PPP2R2C: variants seen among roughly 807,000 people sequenced by gnomAD.
PPP2R2C encodes the protein protein phosphatase 2, regulatory subunit B, gamma.
PPP2R2C carries 10 observed loss-of-function variants against 45.3 expected under a neutral mutation model. That is an observed-to-expected ratio of 0.22 (90% CI 0.14 to 0.37). The LOEUF is 0.37. Ranked by LOEUF, PPP2R2C falls within the 10% of genes least tolerant of loss-of-function variation. PPP2R2C has a pLI of 1.00. For missense variants in PPP2R2C, 308 were observed against 619.7 expected (o/e 0.50, Z 5.34); for synonymous variants, 257 against 245.4 (o/e 1.05, Z -0.44).
At chr4:6,553,329 G>A (rs1725247049) in intron 1 of PPP2R2C, among the ~76,000 whole-genome samples, 1 of 152,230 alleles carries the variant, frequency 6.6e-6, no homozygotes, top group Non-Finnish European at 1.5e-5. Flanking sequence ...GCACCACACT[G>A]GACAGAGAGG....
At chr4:6,381,449 A>C in intron 1 of PPP2R2C, 2 of 1,374,022 alleles carry the variant, frequency 1.5e-6, no homozygotes, top group Non-Finnish European at 1.9e-6. Context: ...TGAATCTCCC[A>C]CACCTACCCC....
intron 1 of PPP2R2C, among the ~76,000 whole-genome samples, chr4:6,416,831 C>A (rs11945944): frequency 6.6e-6 from 1 of 152,050 alleles, no homozygotes; most frequent in African/African-American, 2.4e-5. Context: ...TGCTGGGCTC[C>A]CTGTGTGTGC....
intron 1 of PPP2R2C, among the ~76,000 whole-genome samples, chr4:6,559,595 C>T (rs967317273): frequency 4.6e-5 from 7 of 152,104 alleles, no homozygotes; most frequent in Non-Finnish European, 1.0e-4. Context: ...GCTTGTGTCC[C>T]CCTGAATTCC....
rs1270601018 is a variant in PPP2R2C at position 6,323,490 on chromosome 4, C to G, written c.1156G>C (p.Ala386Pro). 6.2e-7 allele frequency: 1 copy of G among 1,609,584 alleles called. No homozygotes were observed. The highest frequency in any genetic ancestry group is 8.5e-7 in the Non-Finnish European group (1 of 1,176,236). Residue 386 changes from alanine (A) to proline (P), a missense_variant, in exon 9 of 9, where the codon GCT becomes CCT. Ala to Pro is a conservative substitution (Grantham distance 27). Transcript: ENST00000382599. ...CACACGCGCCGTGGCTTGAGCACAG[C>G]CCGGGGCTTGCTGCTTTCCCTCGAG... Reference protein sequence around the residue: ...EASRESSKPRAVLKPRRVCVG... With the variant: ...EASRESSKPRPVLKPRRVCVG...
At position 6,543,610 on chromosome 4, in the gene PPP2R2C, C is replaced by T. The variant is rs111375875; in HGVS notation, c.-58-8233G>A. Among the ~76,000 whole-genome samples, 1,150 of 152,256 alleles carry T rather than the reference C, an allele frequency of 7.6e-3. 21 individuals are homozygous for T. Among genetic ancestry groups the T allele is most frequent in the African/African-American group, 0.027 (1,102 of 41,536 alleles). On this transcript the variant is annotated intron_variant, in intron 1 of 9. Transcript: ENST00000506140. ...CCCCTGATGTCAGCTGCTAGCAGGA[C>T]AGCTGGCCAAGGGACCCCTGAGAAC...
intron 1 of PPP2R2C, chr4:6,383,604 G>A (rs990532743): frequency 2.1e-5 from 11 of 523,482 alleles, no homozygotes; most frequent in African/African-American, 1.0e-4. Flanking sequence ...CGTGAGCACA[G>A]CTTGGATCAC....
At chr4:6,370,488 G>A (rs1456642098) in intron 5 of PPP2R2C, among the ~76,000 whole-genome samples, 1 of 152,192 alleles carries the variant, frequency 6.6e-6, no homozygotes, top group East Asian at 1.9e-4. Context: ...ACCAGGGAGA[G>A]GTACAGGAGT....
intron 5 of PPP2R2C, among the ~76,000 whole-genome samples, chr4:6,359,200 A>G (rs4688995): frequency 0.92 from 140,441 of 152,246 alleles, 65,385 homozygotes; most frequent in East Asian, 1. Flanking sequence ...TTGTAGGGAC[A>G]TGGATGAAGC....
chr4:6,401,466 A>G (rs1327616769), intron 1 of PPP2R2C, among the ~76,000 whole-genome samples: 1 of 152,104 alleles, frequency 6.6e-6, no homozygotes, highest in African/African-American at 2.4e-5. Flanking sequence ...AAAGTCACTC[A>G]TCCCAGAGAG....
intron 5 of PPP2R2C, among the ~76,000 whole-genome samples, chr4:6,352,879 C>A (rs1712697513): frequency 6.6e-6 from 1 of 152,144 alleles, no homozygotes; most frequent in Non-Finnish European, 1.5e-5. Context: ...GAGATGAGAT[C>A]ACCCTGGATT....
chr4:6,388,680 C>G (rs1716395373), intron 1 of PPP2R2C, among the ~76,000 whole-genome samples: 1 of 152,102 alleles, frequency 6.6e-6, no homozygotes, highest in Admixed American at 6.5e-5. Context: ...GCCGGGCCTC[C>G]CAATGCCTGG....
In PPP2R2C at chr4:6,332,498, T is replaced by C. The variant is rs1321258382; in HGVS notation, c.960+1064A>G. Among the ~76,000 whole-genome samples the C allele has an allele frequency of 6.6e-6, 1 of 152,026 alleles. No homozygotes were observed. The highest frequency in any genetic ancestry group is 1.5e-5 in the Non-Finnish European group (1 of 68,002). On this transcript the variant is annotated intron_variant, in intron 7 of 8. Coordinates refer to ENST00000382599, the MANE Select transcript of PPP2R2C (RefSeq NM_020416.4). This position sits in a 1 kb window ranked among gnomAD's most constrained non-coding sequence, Gnocchi z 4.9. Reference sequence around the variant, plus strand: ...GTGAGCTGTTCCTCTGGGGCCCAGGTCAGATCAGAGCAGCCCACCCTCTGA... The same window carrying C: ...GTGAGCTGTTCCTCTGGGGCCCAGGCCAGATCAGAGCAGCCCACCCTCTGA...
At chr4:6,410,869 ATTTATT>A (rs989917313) in intron 1 of PPP2R2C, among the ~76,000 whole-genome samples, 1 of 148,378 alleles carries the variant, frequency 6.7e-6, no homozygotes, top group African/African-American at 2.5e-5. Context: ...TTATTTATTT[ATTTATT>A]TATTTATTTA....
rs373349068 is a variant in PPP2R2C at position 6,551,477 on chromosome 4, C to G, written c.-59+12083G>C. On this transcript the variant is annotated intron_variant, in intron 1 of 9. Transcript: ENST00000506140. ...GTTGTGGTATGGCCACAAGTCCCCC[C>G]ATCAAGAGATGAGGTCTATGCCTCC... Among the ~76,000 whole-genome samples, 148 of 152,330 alleles carry G rather than the reference C, an allele frequency of 9.7e-4. No homozygotes were observed. The Middle Eastern group carries it at 0.01, about 11-fold the overall frequency.
intron 3 of PPP2R2C, among the ~76,000 whole-genome samples, chr4:6,376,642 TAG>T (rs1715324945): frequency 6.6e-6 from 1 of 152,066 alleles, no homozygotes; most frequent in South Asian, 2.1e-4. Context: ...TTTGTAGAGA[TAG>T]AGTCTCACCA....
At chr4:6,479,238 G>A (rs1292023733) in intron 2 of PPP2R2C, among the ~76,000 whole-genome samples, 1 of 152,170 alleles carries the variant, frequency 6.6e-6, no homozygotes, top group Non-Finnish European at 1.5e-5. Context: ...GCAGCTAGCT[G>A]TCCTAACCTA....
chr4:6,523,242 C>A (rs1029294280), intron 2 of PPP2R2C, among the ~76,000 whole-genome samples: 2 of 152,322 alleles, frequency 1.3e-5, no homozygotes, highest in East Asian at 3.9e-4. Flanking sequence ...GCCCCAACCA[C>A]CAGCTCCCTT....
At chr4:6,498,827 A>G (rs968582819) in intron 2 of PPP2R2C, among the ~76,000 whole-genome samples, 1 of 152,132 alleles carries the variant, frequency 6.6e-6, no homozygotes, top group Non-Finnish European at 1.5e-5. Context: ...GAACATTGCC[A>G]TGTTTCTTGA....
At chr4:6,337,314 T>C (rs565542127) in intron 6 of PPP2R2C, among the ~76,000 whole-genome samples, 17 of 151,296 alleles carry the variant, frequency 1.1e-4, no homozygotes, top group South Asian at 2.1e-4. Context: ...AGACTCATAT[T>C]TGGGAGAAGC....
Sources: gnomAD v4.1 joint callset for allele counts (sites outside exome capture counted in the v4.1 genomes callset) on GRCh38, gnomAD v4.1.1 for gene constraint, Gnocchi (gnomAD v3.1) non-coding constraint, MANE v1.5 for transcripts, NCBI Gene and HGNC (gene_info 2026-07-23, HGNC 2026-07-21) for gene names.